FGF14: variants seen among roughly 807,000 people sequenced by gnomAD.
The protein encoded by FGF14 is fibroblast growth factor 14.
A neutral mutation model predicts 25.5 loss-of-function variants in FGF14; 5 were observed. The observed-to-expected ratio is 0.20, with a 90% CI of 0.10 to 0.41. The LOEUF is 0.41. FGF14 is among the 10% of genes least tolerant of loss of function. FGF14 has a pLI of 1.00. For missense variants in FGF14, 222 were observed against 320.1 expected (o/e 0.69, Z 2.34); for synonymous variants, 138 against 118.3 (o/e 1.17, Z -1.08).
At chr13:102,337,464 T>C (rs574164840) in intron 1 of FGF14, among the ~76,000 whole-genome samples, 11 of 152,290 alleles carry the variant, frequency 7.2e-5, no homozygotes, top group African/African-American at 2.6e-4. Flanking sequence ...AGAAAGTGTT[T>C]TTTTGAGATG....
chr13:102,196,816 T>A (rs1405672589), intron 1 of FGF14, among the ~76,000 whole-genome samples: 1 of 152,206 alleles, frequency 6.6e-6, no homozygotes, highest in Non-Finnish European at 1.5e-5. Flanking sequence ...TTGTACCGTT[T>A]GATCAACATC....
At chr13:102,377,750 G>C (rs1176777371) in intron 1 of FGF14, among the ~76,000 whole-genome samples, 1 of 152,234 alleles carries the variant, frequency 6.6e-6, no homozygotes, top group Non-Finnish European at 1.5e-5. Context: ...AGAGGTTGCA[G>C]TGAGCTGAAA....
At chr13:102,023,795 G>C (rs1008299803) in intron 1 of FGF14, among the ~76,000 whole-genome samples, 1 of 151,982 alleles carries the variant, frequency 6.6e-6, no homozygotes, top group Non-Finnish European at 1.5e-5. Flanking sequence ...GCCTCACTTG[G>C]AAAGTTTAGG....
At chr13:101,819,159 G>A (rs1272239089) in intron 3 of FGF14, among the ~76,000 whole-genome samples, 3 of 152,092 alleles carry the variant, frequency 2.0e-5, no homozygotes, top group Admixed American at 6.5e-5. Flanking sequence ...CTAAAGCTCA[G>A]GGAGCTTAGA....
intron 1 of FGF14, among the ~76,000 whole-genome samples, chr13:102,392,322 G>A (rs1243628147): frequency 6.6e-6 from 1 of 152,140 alleles, no homozygotes; most frequent in Non-Finnish European, 1.5e-5. Flanking sequence ...TGCACTACTT[G>A]ACTCCTCAAA....
At chr13:102,130,705 A>G (rs903837354) in intron 1 of FGF14, among the ~76,000 whole-genome samples, 8 of 152,200 alleles carry the variant, frequency 5.3e-5, no homozygotes, top group African/African-American at 1.9e-4. Context: ...TACAAGGGAA[A>G]GCCAAATGCC....
intron 1 of FGF14, among the ~76,000 whole-genome samples, chr13:102,058,968 T>C (rs535739037): frequency 6.6e-6 from 1 of 150,500 alleles, no homozygotes; most frequent in African/African-American, 2.4e-5. Flanking sequence ...AAAATAGAGA[T>C]TTATGAAAAA....
At chr13:101,733,608 AAAAAGAGAGAGAG>A (rs997086056) in intron 3 of FGF14, among the ~76,000 whole-genome samples, 1 of 130,784 alleles carries the variant, frequency 7.6e-6, no homozygotes, top group Non-Finnish European at 1.7e-5. Flanking sequence ...AAAAAAAAAA[AAAAAGAGAGAGAG>A]GAGAGAGAGA....
intron 1 of FGF14, among the ~76,000 whole-genome samples, chr13:102,387,966 G>T (rs2058345014): frequency 6.6e-6 from 1 of 152,142 alleles, no homozygotes; most frequent in Non-Finnish European, 1.5e-5. Context: ...TTGACCTCAT[G>T]ATCCACACGC....
At chr13:102,234,803 G>A (rs964148710) in intron 1 of FGF14, among the ~76,000 whole-genome samples, 1 of 152,106 alleles carries the variant, frequency 6.6e-6, no homozygotes, top group Admixed American at 6.6e-5. Context: ...TCTCCCCAGC[G>A]ATGTGTATGA....
intron 1 of FGF14, among the ~76,000 whole-genome samples, chr13:102,366,918 T>C (rs2139074790): frequency 6.6e-6 from 1 of 152,302 alleles, no homozygotes; most frequent in South Asian, 2.1e-4. Context: ...TGTATTTAAC[T>C]AAAATTTAAT....
In FGF14 at chr13:101,718,354, CCTT is replaced by C. The variant is rs1467006235; in HGVS notation, c.*4474_*4476del. 6.6e-6 allele frequency: 1 copy of C among 152,082 alleles called. No individual in the cohort carries two copies. The highest frequency in any genetic ancestry group is 1.9e-4 in the East Asian group (1 of 5,180). The allele number at this position is 152,082 out of a possible 1,614,324, so 9.4% of individuals were successfully genotyped here. Reference sequence around the variant, plus strand: ...TTACATGTAAAGACATAAACTCTTTCCTTCTTAAATGTGATTTTCAACTCTATG... The same window carrying C: ...TTACATGTAAAGACATAAACTCTTTCCTTAAATGTGATTTTCAACTCTATG... On this transcript the variant is annotated 3_prime_UTR_variant, in exon 5 of 5. Transcript: ENST00000376143.
intron 1 of FGF14, among the ~76,000 whole-genome samples, chr13:102,248,283 T>C (rs1010722225): frequency 3.3e-5 from 5 of 152,164 alleles, no homozygotes; most frequent in Admixed American, 6.6e-5. Context: ...TTGTAAGGCA[T>C]GGTTTTCAGC....
At chr13:101,727,446 G>A (rs984664726) in intron 3 of FGF14, among the ~76,000 whole-genome samples, 10 of 152,080 alleles carry the variant, frequency 6.6e-5, no homozygotes, top group East Asian at 1.9e-4. Flanking sequence ...TTTGAGTCCC[G>A]TTGGAACTCT....
At chr13:101,923,772 G>T (rs1053722121) in intron 1 of FGF14, among the ~76,000 whole-genome samples, 8 of 151,970 alleles carry the variant, frequency 5.3e-5, no homozygotes, top group Non-Finnish European at 8.8e-5. Context: ...TAAAAAACTG[G>T]AAGGAATTTT....
chr13:101,941,327 G>C lies in FGF14; in HGVS notation c.209-66031C>G, dbSNP rs181811600. 1.2e-4 allele frequency among the ~76,000 whole-genome samples: 18 copies of C among 152,296 alleles called. No individual in the cohort carries two copies. In the East Asian group the frequency reaches 3.5e-3, roughly 29 times the overall value. On this transcript the variant is annotated intron_variant, in intron 1 of 4. Transcript: ENST00000376131. ...AAGTAAACAGCAAGATTCCACACTA[G>C]CTCTTAACTGGCCAAGCTATATTTC...
intron 3 of FGF14, among the ~76,000 whole-genome samples, chr13:101,789,589 T>C (rs911471078): frequency 6.6e-6 from 1 of 152,170 alleles, no homozygotes; most frequent in South Asian, 2.1e-4. Context: ...TTTGGATCAC[T>C]TCAAAATGTA....
intron 1 of FGF14, among the ~76,000 whole-genome samples, chr13:102,161,664 G>GAAA (rs2047745699): frequency 9.2e-5 from 3 of 32,438 alleles, no homozygotes; most frequent in Non-Finnish European, 2.0e-4. Flanking sequence ...AGAAGAAGAA[G>GAAA]AAGAAGAAGA....
chr13:101,801,128 G>A (rs2040844476), intron 3 of FGF14, among the ~76,000 whole-genome samples: 1 of 152,154 alleles, frequency 6.6e-6, no homozygotes, highest in Non-Finnish European at 1.5e-5. Context: ...GGCATCTGCT[G>A]TTATTGATGC....
Sources: gnomAD v4.1 joint callset for allele counts (sites outside exome capture counted in the v4.1 genomes callset) on GRCh38, gnomAD v4.1.1 for gene constraint, MANE v1.5 for transcripts, NCBI Gene and HGNC (gene_info 2026-07-23, HGNC 2026-07-21) for gene names.